Variants in SLC39A12 observed in about 807,000 individuals in gnomAD.
The protein encoded by SLC39A12 is zinc transporter ZIP12.
SLC39A12 carries 63 observed loss-of-function variants against 71.1 expected under a neutral mutation model. The ratio of observed to expected loss-of-function variants is 0.89; its 90% CI spans 0.72 to 1.09. The LOEUF is 1.09. Among genes scored for constraint, SLC39A12 ranks in the 50% least tolerant of loss-of-function variants. The pLI is 0.00. For synonymous variants in SLC39A12, 351 were observed against 301.3 expected, an observed-to-expected ratio of 1.16 and a Z score of -1.71; for missense variants, 892 against 812.6, an observed-to-expected ratio of 1.10 and a Z score of -1.19.
chr10:17,962,646 A>G (rs1554848554), intron 3 of SLC39A12, among the ~76,000 whole-genome samples: 1 of 151,998 alleles, frequency 6.6e-6, no homozygotes, highest in African/African-American at 2.4e-5. Flanking sequence ...AAACATGTAT[A>G]GACAAATTTA....
At chr10:17,992,336 A>G (rs928806500) in intron 8 of SLC39A12, among the ~76,000 whole-genome samples, 1 of 152,236 alleles carries the variant, frequency 6.6e-6, no homozygotes, top group Non-Finnish European at 1.5e-5. Context: ...TATATATTTG[A>G]AATCTTTTCA....
At chr10:18,028,068 AC>A (rs1466001625) in intron 12 of SLC39A12, among the ~76,000 whole-genome samples, 2 of 152,232 alleles carry the variant, frequency 1.3e-5, no homozygotes, top group East Asian at 3.8e-4. Flanking sequence ...GTGCACAGTG[AC>A]TTTTAGGATC....
At chr10:17,996,835 A>G (rs1835696591) in intron 10 of SLC39A12, among the ~76,000 whole-genome samples, 2 of 151,972 alleles carry the variant, frequency 1.3e-5, no homozygotes, top group South Asian at 4.2e-4. Context: ...GTCTCTACTA[A>G]AAAATACAAA....
At position 17,954,682 on chromosome 10, in the gene SLC39A12, A is replaced by G. The variant is rs182682464; in HGVS notation, c.261+1145A>G. On this transcript the variant is annotated intron_variant, in intron 2 of 12. Coordinates refer to ENST00000377369, the MANE Select transcript of SLC39A12 (RefSeq NM_001145195.2). ...CAAAAGAAAAAATAAAACCTACTCCACCATCCCATTCCTGACCCACGAGAT... is the reference window on the plus strand; with the variant it reads ...CAAAAGAAAAAATAAAACCTACTCCGCCATCCCATTCCTGACCCACGAGAT... Among the ~76,000 whole-genome samples, 314 of 152,212 alleles carry G rather than the reference A, an allele frequency of 2.1e-3. 2 individuals carry two copies. The highest frequency in any genetic ancestry group is 7.3e-3 in the African/African-American group (302 of 41,538).
chr10:18,024,802 C>T (rs1270214499), intron 12 of SLC39A12, among the ~76,000 whole-genome samples: 1 of 152,160 alleles, frequency 6.6e-6, no homozygotes, highest in East Asian at 1.9e-4. Context: ...TAGGTACATA[C>T]ACATTAAGGA....
At chr10:17,990,976 C>T (rs990945034) in intron 7 of SLC39A12, among the ~76,000 whole-genome samples, 175 bp from the exon 8 acceptor site, 1 of 152,166 alleles carries the variant, frequency 6.6e-6, no homozygotes, top group Non-Finnish European at 1.5e-5. Context: ...ATAGTGGAAG[C>T]ATTCACATAC....
chr10:18,003,308 A>T lies in SLC39A12; in HGVS notation c.1897A>T (p.Ile633Phe). The change falls in exon 12 of 13, where the codon ATC (isoleucine) becomes TTC (phenylalanine). Residue 633 changes from isoleucine to phenylalanine, a missense_variant. Physicochemically the swap from Ile to Phe is conservative, Grantham distance 21 (BLOSUM62 0). Coordinates refer to ENST00000377369, the MANE Select transcript of SLC39A12 (RefSeq NM_001145195.2). ...AGCTGATCCATGTGTTCAAGACTGG[A>T]TCTTCACAGTCACTGCTGGGATGTT... ...VSADPCVQDWIFTVTAGMFLY... is the reference protein window; with the variant it reads ...VSADPCVQDWFFTVTAGMFLY... 4.3e-6 allele frequency: 7 copies of T among 1,614,012 alleles called. No individual in the cohort carries two copies. Among genetic ancestry groups the T allele is most frequent in the Non-Finnish European group, 5.9e-6 (7 of 1,179,984 alleles).
rs1837302633 is a variant in SLC39A12 at position 18,043,000 on chromosome 10, A to C, written c.*167A>C. ...TTATAATGCAGTTTTATTTTTGGAA[A>C]CATATAAATATCAGACTGTCCTTAA... is the stretch of plus-strand genomic sequence containing the variant. On this transcript the variant is annotated 3_prime_UTR_variant, in exon 13 of 13. Transcript: ENST00000377369. 2.1e-6 allele frequency: 1 copy of C among 467,256 alleles called. No individual in the cohort carries two copies. Among genetic ancestry groups the C allele is most frequent in the Non-Finnish European group, 3.4e-6 (1 of 296,540 alleles). 28.9% of individuals were successfully genotyped at this position (467,256 alleles called of 1,614,324 possible). A position where few individuals can be genotyped will look rare whatever the true frequency, so the allele number is the denominator to read the frequency against.
chr10:18,029,746 T>G (rs1836783459), intron 12 of SLC39A12, among the ~76,000 whole-genome samples: 1 of 151,924 alleles, frequency 6.6e-6, no homozygotes, highest in Admixed American at 6.6e-5. Context: ...TTTTCTTTCC[T>G]TTTTGAAATT....
chr10:17,991,073 C>G, intron 7 of SLC39A12, 78 bp from the exon 8 acceptor site: 2 of 1,314,586 alleles, frequency 1.5e-6, no homozygotes, highest in Non-Finnish European at 2.1e-6. Context: ...CAACACTGGG[C>G]CTACTATTTA....
chr10:18,040,391 AC>A (rs963564497), intron 12 of SLC39A12, among the ~76,000 whole-genome samples: 6 of 152,090 alleles, frequency 3.9e-5, no homozygotes, highest in African/African-American at 1.4e-4. Flanking sequence ...ATAGTAAACC[AC>A]CCTCATGCCA....
intron 12 of SLC39A12, among the ~76,000 whole-genome samples, chr10:18,010,166 A>C (rs1040557679): frequency 6.6e-6 from 1 of 152,118 alleles, no homozygotes; most frequent in Admixed American, 6.5e-5. Context: ...CTCCGAGGCA[A>C]TTCAGTCAAA....
intron 12 of SLC39A12, among the ~76,000 whole-genome samples, chr10:18,020,211 C>T (rs193192728): frequency 5.9e-5 from 9 of 152,118 alleles, no homozygotes; most frequent in African/African-American, 2.2e-4. Flanking sequence ...TAAGTGAGAA[C>T]ATGCGGTATT....
At chr10:17,992,472 G>A (rs1835579384) in intron 8 of SLC39A12, among the ~76,000 whole-genome samples, 1 of 152,154 alleles carries the variant, frequency 6.6e-6, no homozygotes, top group Non-Finnish European at 1.5e-5. Context: ...TGGAAATTAG[G>A]AATGCCAATT....
chr10:18,023,083 A>C (rs1449979455), intron 12 of SLC39A12, among the ~76,000 whole-genome samples: 2 of 152,090 alleles, frequency 1.3e-5, no homozygotes, highest in Non-Finnish European at 2.9e-5. Flanking sequence ...CACAGATCTC[A>C]GCTTGGCCCT....
intron 6 of SLC39A12, 48 bp from the exon 7 acceptor site, chr10:17,987,431 A>T: frequency 6.3e-7 from 1 of 1,590,180 alleles, no homozygotes; most frequent in Non-Finnish European, 8.6e-7. Context: ...TGAGGCCGGA[A>T]TGGAGGGCAC....
intron 12 of SLC39A12, among the ~76,000 whole-genome samples, chr10:18,034,112 A>G (rs555164588): frequency 2.0e-5 from 3 of 152,130 alleles, no homozygotes; most frequent in African/African-American, 4.8e-5. Context: ...TGGTGCTGAA[A>G]AAAATGTATA....
intron 4 of SLC39A12, among the ~76,000 whole-genome samples, chr10:17,971,839 G>T (rs375312633): frequency 2.0e-5 from 3 of 151,890 alleles, no homozygotes; most frequent in African/African-American, 7.2e-5. Flanking sequence ...ATTTACTTCT[G>T]CTCTAATCTT....
At chr10:18,006,334 A>G (rs1836016985) in intron 12 of SLC39A12, among the ~76,000 whole-genome samples, 1 of 152,232 alleles carries the variant, frequency 6.6e-6, no homozygotes, top group African/African-American at 2.4e-5. Flanking sequence ...AATTCTCCAA[A>G]GTAGAATTGG....
Sources: gnomAD v4.1 joint callset for allele counts (sites outside exome capture counted in the v4.1 genomes callset) on GRCh38, gnomAD v4.1.1 for gene constraint, MANE v1.5 for transcripts, NCBI Gene and HGNC (gene_info 2026-07-23, HGNC 2026-07-21) for gene names.